Variants in LRFN5 observed in about 807,000 individuals in gnomAD.
LRFN5 encodes the protein leucine rich repeat and fibronectin type III domain containing 5.
A neutral mutation model predicts 45.6 loss-of-function variants in LRFN5; 24 were observed. The ratio of observed to expected loss-of-function variants is 0.53; its 90% CI spans 0.38 to 0.74. The LOEUF (loss-of-function observed/expected upper bound fraction) is 0.74. Ranked by LOEUF, LRFN5 falls within the 30% of genes least tolerant of loss-of-function variation. LRFN5 has a pLI of 0.00. For synonymous variants in LRFN5, 340 were observed against 313.8 expected (o/e 1.08, Z -0.88); for missense variants, 776 against 861.5 (o/e 0.90, Z 1.24).
At chr14:41,841,946 T>A (rs1036747332) in intron 2 of LRFN5, among the ~76,000 whole-genome samples, 2 of 151,982 alleles carry the variant, frequency 1.3e-5, no homozygotes, top group Non-Finnish European at 2.9e-5. Flanking sequence ...TATAATTTTC[T>A]ATTATATATG....
chr14:41,672,109 CTCTT>C (rs551142152), intron 1 of LRFN5, among the ~76,000 whole-genome samples: 16 of 152,236 alleles, frequency 1.1e-4, no homozygotes, highest in Admixed American at 2.0e-4. Context: ...TCTTAGCTTC[CTCTT>C]TCTGTTTATT....
intron 1 of LRFN5, among the ~76,000 whole-genome samples, chr14:41,654,508 G>T (rs1880284298): frequency 6.6e-6 from 1 of 151,858 alleles, no homozygotes; most frequent in Non-Finnish European, 1.5e-5. Flanking sequence ...AAAAAGAAAG[G>T]GTTCTAGGAT....
At chr14:41,799,450 T>C (rs568647879) in intron 2 of LRFN5, among the ~76,000 whole-genome samples, 1 of 152,076 alleles carries the variant, frequency 6.6e-6, no homozygotes, top group African/African-American at 2.4e-5. Context: ...CACATTTCAC[T>C]TCTCCTTTCC....
At chr14:41,743,503 A>C (rs2138826380) in intron 1 of LRFN5, among the ~76,000 whole-genome samples, 1 of 152,358 alleles carries the variant, frequency 6.6e-6, no homozygotes, top group South Asian at 2.1e-4. Context: ...TGGAATCAAA[A>C]GTTAAAAAGT....
rs1890998154 is a variant in LRFN5 at position 41,898,130 on chromosome 14, A to C, written c.2099-787A>C. ...ATATTTGTGCTGAAAGTTTTGTAAA[A>C]AACAATTTGTCTCAATCTCGTGACA... On this transcript the variant is annotated intron_variant, in intron 4 of 5. Coordinates refer to ENST00000298119, the MANE Select transcript of LRFN5 (RefSeq NM_152447.5). Among the ~76,000 whole-genome samples the C allele has an allele frequency of 2.0e-5, 3 of 152,082 alleles. No homozygotes were observed. In the South Asian group the frequency reaches 6.2e-4, roughly 31 times the overall value.
intron 1 of LRFN5, among the ~76,000 whole-genome samples, chr14:41,736,978 G>T (rs114632102): frequency 3.9e-4 from 59 of 151,998 alleles, no homozygotes; most frequent in Non-Finnish European, 7.4e-4. Context: ...GAAAAAAAAA[G>T]GAATCCTCTC....
chr14:41,614,778 G>A (rs1341397843), intron 1 of LRFN5, among the ~76,000 whole-genome samples: 6 of 151,912 alleles, frequency 3.9e-5, no homozygotes, highest in Admixed American at 1.3e-4. Flanking sequence ...GCAATCAGAC[G>A]GTCTGGAGGT....
chr14:41,655,642 T>G (rs1228654731), intron 1 of LRFN5, among the ~76,000 whole-genome samples: 1 of 151,934 alleles, frequency 6.6e-6, no homozygotes, highest in African/African-American at 2.4e-5. Flanking sequence ...GGAATAGGCT[T>G]AAGGGGACCT....
chr14:41,638,172 T>C (rs1879392935), intron 1 of LRFN5, among the ~76,000 whole-genome samples: 1 of 152,060 alleles, frequency 6.6e-6, no homozygotes, highest in Non-Finnish European at 1.5e-5. Context: ...TTATGTACCC[T>C]GAAGACCTTG....
intron 1 of LRFN5, among the ~76,000 whole-genome samples, chr14:41,763,333 C>A (rs1216401266): frequency 6.6e-6 from 1 of 152,082 alleles, no homozygotes; most frequent in East Asian, 1.9e-4. Context: ...TATGTTCAGG[C>A]AATTGATGAA....
At chr14:41,617,833 A>G (rs1268454489) in intron 1 of LRFN5, among the ~76,000 whole-genome samples, 1 of 152,188 alleles carries the variant, frequency 6.6e-6, no homozygotes, top group Non-Finnish European at 1.5e-5. Flanking sequence ...TCAGGTTAAC[A>G]TGTTTCCTAG....
intron 1 of LRFN5, among the ~76,000 whole-genome samples, chr14:41,672,322 A>T (rs1462809801): frequency 6.6e-6 from 1 of 152,160 alleles, no homozygotes; most frequent in South Asian, 2.1e-4. Context: ...CTCGTGTAAG[A>T]TATCATTCCT....
rs573542231 is a variant in LRFN5, at chr14:41,881,690, T to A, written c.-20-4916T>A. ...CTCAGATCTAATACTTTTTGTTCTG[T>A]TCTTTCAGGCTTTTAAAATCTGAAT... is the stretch of plus-strand genomic sequence containing the variant. On this transcript the variant is annotated intron_variant, in intron 2 of 5. Coordinates refer to ENST00000298119, the MANE Select transcript of LRFN5 (RefSeq NM_152447.5). 5.8e-4 allele frequency among the ~76,000 whole-genome samples: 89 copies of A among 152,280 alleles called. 1 individual carries two copies. The highest frequency in any genetic ancestry group is 1.6e-3 in the African/African-American group (65 of 41,580).
intron 5 of LRFN5, among the ~76,000 whole-genome samples, 161 bp downstream of exon 5, chr14:41,899,121 G>C (rs1183678160): frequency 6.6e-6 from 1 of 152,078 alleles, no homozygotes; most frequent in African/African-American, 2.4e-5. Context: ...AGTTTAGTTT[G>C]ATTAAGTGAA....
chr14:41,628,980 A>G (rs1289592111), intron 1 of LRFN5, among the ~76,000 whole-genome samples: 2 of 152,120 alleles, frequency 1.3e-5, no homozygotes, highest in Non-Finnish European at 2.9e-5. Flanking sequence ...TTTAGTGTGT[A>G]AACTGTTAAA....
chr14:41,750,752 T>A (rs1187088489), intron 1 of LRFN5, among the ~76,000 whole-genome samples: 1 of 151,850 alleles, frequency 6.6e-6, no homozygotes, highest in Non-Finnish European at 1.5e-5. Flanking sequence ...AATCCTGGAG[T>A]AAGGCAAAGG....
chr14:41,644,293 G>T (rs992590871), intron 1 of LRFN5, among the ~76,000 whole-genome samples: 1 of 152,120 alleles, frequency 6.6e-6, no homozygotes, highest in Admixed American at 6.6e-5. Flanking sequence ...ATGCATGTAG[G>T]CAGATTCCAA....
chr14:41,615,882 T>C (rs1887911604), intron 1 of LRFN5, among the ~76,000 whole-genome samples: 2 of 152,152 alleles, frequency 1.3e-5, no homozygotes, highest in African/African-American at 4.8e-5. Context: ...CAATGTGAAA[T>C]AAGCACATCA....
chr14:41,797,730 T>C (rs1727573959), intron 2 of LRFN5, among the ~76,000 whole-genome samples: 1 of 151,804 alleles, frequency 6.6e-6, no homozygotes, highest in African/African-American at 2.4e-5. Context: ...TGTCCATCTA[T>C]CTGTCTGTTC....
Sources: allele counts gnomAD v4.1 joint callset (sites outside exome capture counted in the v4.1 genomes callset), GRCh38; gene constraint gnomAD v4.1.1; transcripts MANE v1.5; gene names NCBI Gene and HGNC (gene_info 2026-07-23, HGNC 2026-07-21).